The following PARD3 variants were observed in gnomAD, a reference collection of about 807,000 sequenced individuals.
PARD3 encodes the protein par-3 family cell polarity regulator, also known as partitioning defective 3 homolog.
A neutral mutation model predicts 155.4 loss-of-function variants in PARD3; 75 were observed. That is an observed-to-expected ratio of 0.48 (90% CI 0.40 to 0.58). The LOEUF (loss-of-function observed/expected upper bound fraction) is 0.58. Among genes scored for constraint, PARD3 ranks in the 20% least tolerant of loss-of-function variants. The probability of loss-of-function intolerance (pLI) is 0.00; values close to 1 mark genes in which losing one functional copy is unlikely to be tolerated. For missense variants in PARD3, 1,642 were observed against 1,721.7 expected (o/e 0.95, Z 0.82); for synonymous variants, 576 against 610.5 (o/e 0.94, Z 0.83).
intron 20 of PARD3, among the ~76,000 whole-genome samples, chr10:34,309,100 T>A (rs894254638): frequency 6.6e-6 from 1 of 152,040 alleles, no homozygotes; most frequent in Non-Finnish European, 1.5e-5. Context: ...TTGAAGCAAG[T>A]TCAAGAGAGA....
chr10:34,620,731 G>T (rs2091615192), intron 2 of PARD3, among the ~76,000 whole-genome samples: 1 of 152,124 alleles, frequency 6.6e-6, no homozygotes, highest in Non-Finnish European at 1.5e-5. Context: ...TCAAAAGCTT[G>T]AAAAAGAAGT....
chr10:34,247,821 G>T (rs928122927), intron 22 of PARD3, among the ~76,000 whole-genome samples: 2 of 152,044 alleles, frequency 1.3e-5, no homozygotes, highest in African/African-American at 4.8e-5. Context: ...GTTAATAATC[G>T]GAAAAGTACG....
At chr10:34,284,687 CACAGCCAGGCTTATTGGAA>C (rs1256394436) in intron 20 of PARD3, among the ~76,000 whole-genome samples, 2 of 152,130 alleles carry the variant, frequency 1.3e-5, no homozygotes. Flanking sequence ...TCTTTATTTT[CACAGCCAGGCTTATTGGAA>C]ACATTCATCA....
At chr10:34,741,386 T>C (rs2095015580) in intron 1 of PARD3, among the ~76,000 whole-genome samples, 2 of 151,986 alleles carry the variant, frequency 1.3e-5, no homozygotes, top group African/African-American at 4.8e-5. Flanking sequence ...AGTCTCACTA[T>C]GTTGCCCAGG....
At chr10:34,323,060 G>A (rs1041375102) in intron 19 of PARD3, among the ~76,000 whole-genome samples, 4 of 152,094 alleles carry the variant, frequency 2.6e-5, no homozygotes, top group African/African-American at 7.2e-5. Context: ...GTTAGTGTTA[G>A]GTAAAAAGAT....
chr10:34,476,502 T>C (rs2078714474), intron 3 of PARD3, among the ~76,000 whole-genome samples: 1 of 152,130 alleles, frequency 6.6e-6, no homozygotes, highest in Non-Finnish European at 1.5e-5. Context: ...AGTGATCCCT[T>C]AGGGCCCAGA....
intron 2 of PARD3, among the ~76,000 whole-genome samples, chr10:34,684,415 C>T (rs2093904493): frequency 6.6e-6 from 1 of 152,108 alleles, no homozygotes; most frequent in South Asian, 2.1e-4. Flanking sequence ...TCCCAAATAT[C>T]CAGCTGCCGA....
intron 20 of PARD3, among the ~76,000 whole-genome samples, chr10:34,303,067 TTTAA>T (rs112796459): frequency 0.046 from 6,573 of 142,442 alleles, 356 homozygotes; most frequent in African/African-American, 0.15. Context: ...AAAACCAAGT[TTTAA>T]AAAAAAAAAA....
At chr10:34,518,555 C>CTT (rs1458353844) in intron 2 of PARD3, among the ~76,000 whole-genome samples, 1 of 152,126 alleles carries the variant, frequency 6.6e-6, no homozygotes, top group African/African-American at 2.4e-5. Context: ...AGACAACTTA[C>CTT]AAACTAAAGA....
intron 4 of PARD3, among the ~76,000 whole-genome samples, chr10:34,465,409 C>T (rs1441140430): frequency 6.6e-6 from 1 of 152,094 alleles, no homozygotes; most frequent in African/African-American, 2.4e-5. Context: ...TCTCACCCTT[C>T]TAATAGAAAG....
chr10:34,521,202 A>G (rs1313342480), intron 2 of PARD3, among the ~76,000 whole-genome samples: 1 of 152,148 alleles, frequency 6.6e-6, no homozygotes, highest in Non-Finnish European at 1.5e-5. Context: ...TTATAGAACC[A>G]CAGTTGGTGA....
At chr10:34,381,391 T>C (rs1008641013) in intron 9 of PARD3, among the ~76,000 whole-genome samples, 1 of 152,162 alleles carries the variant, frequency 6.6e-6, no homozygotes, top group African/African-American at 2.4e-5. Flanking sequence ...TTTAAAAATA[T>C]ATCAAAATGC....
chr10:34,620,036 C>A (rs561569750), intron 2 of PARD3, among the ~76,000 whole-genome samples: 2 of 151,706 alleles, frequency 1.3e-5, no homozygotes, highest in South Asian at 4.2e-4. Flanking sequence ...ACCACCACCA[C>A]CTCCTCCTCA....
intron 4 of PARD3, among the ~76,000 whole-genome samples, chr10:34,467,328 C>CG: frequency 9.5e-6 from 1 of 105,398 alleles, no homozygotes; most frequent in African/African-American, 5.5e-5. Flanking sequence ...ATGACTCCAA[C>CG]TTGTGTGTGT....
intron 1 of PARD3, among the ~76,000 whole-genome samples, chr10:34,789,377 G>A (rs4934656): frequency 0.35 from 53,649 of 152,072 alleles, 10,603 homozygotes; most frequent in African/African-American, 0.55. Context: ...AACTGTGTAT[G>A]CATTATGATT....
intron 2 of PARD3, among the ~76,000 whole-genome samples, chr10:34,653,165 T>C (rs1345976817): frequency 6.6e-6 from 1 of 152,182 alleles, no homozygotes; most frequent in Non-Finnish European, 1.5e-5. Flanking sequence ...TTTTGGGCTG[T>C]TACAAGGACT....
At chr10:34,763,718 G>T (rs12413778) in intron 1 of PARD3, among the ~76,000 whole-genome samples, 1 of 151,852 alleles carries the variant, frequency 6.6e-6, no homozygotes, top group African/African-American at 2.4e-5. Context: ...ACGGCCACCT[G>T]GGTACTCAGG....
chr10:34,597,926 T>C (rs1480773113), intron 2 of PARD3, among the ~76,000 whole-genome samples: 1 of 152,208 alleles, frequency 6.6e-6, no homozygotes, highest in Non-Finnish European at 1.5e-5. Context: ...GGGTGTCAAT[T>C]ACTATTTGTT....
chr10:34,367,820 AG>A (rs1389357108), intron 12 of PARD3, among the ~76,000 whole-genome samples: 5 of 152,316 alleles, frequency 3.3e-5, no homozygotes, highest in Non-Finnish European at 7.3e-5. Context: ...TTCTAACTTG[AG>A]ACTCTAACCT....
Sources: gnomAD v4.1 joint callset for allele counts (sites outside exome capture counted in the v4.1 genomes callset) on GRCh38, gnomAD v4.1.1 for gene constraint, MANE v1.5 for transcripts, NCBI Gene and HGNC (gene_info 2026-07-23, HGNC 2026-07-21) for gene names.